Variants in PTPRT observed in about 807,000 individuals in gnomAD.
The protein encoded by PTPRT is receptor-type tyrosine-protein phosphatase T.
Under a neutral mutation model 176.8 loss-of-function variants are expected in PTPRT, and 56 were observed. The observed-to-expected ratio is 0.32, with a 90% CI of 0.26 to 0.40. PTPRT has a LOEUF of 0.40. PTPRT is among the 10% of genes least tolerant of loss of function. The pLI is 1.00. For synonymous variants in PTPRT, 783 were observed against 739.0 expected, an observed-to-expected ratio of 1.06 and a Z score of -0.96; for missense variants, 1,540 against 1,908.2, an observed-to-expected ratio of 0.81 and a Z score of 3.60.
chr20:42,458,216 T>TC (rs1403354828), intron 8 of PTPRT, among the ~76,000 whole-genome samples: 1 of 152,192 alleles, frequency 6.6e-6, no homozygotes, highest in Non-Finnish European at 1.5e-5. Flanking sequence ...AAGGTGTTTT[T>TC]CTCTATATTT....
intron 1 of PTPRT, among the ~76,000 whole-genome samples, chr20:43,151,194 T>C (rs2014340598): frequency 6.6e-6 from 1 of 151,626 alleles, no homozygotes; most frequent in African/African-American, 2.4e-5. Context: ...TAATCCCAGC[T>C]ACTAGGGAGG....
chr20:42,793,358 C>T (rs1347493614), intron 2 of PTPRT, among the ~76,000 whole-genome samples: 1 of 152,218 alleles, frequency 6.6e-6, no homozygotes, highest in Admixed American at 6.5e-5. Flanking sequence ...TCCAAGCCTC[C>T]AGTGAATATC....
chr20:42,872,074 G>T (rs948513878), intron 2 of PTPRT, among the ~76,000 whole-genome samples: 1 of 152,184 alleles, frequency 6.6e-6, no homozygotes, highest in African/African-American at 2.4e-5. Flanking sequence ...TGCAATTTGG[G>T]TTTCTTAATA....
chr20:42,170,411 A>G (rs1384002066), intron 16 of PTPRT, among the ~76,000 whole-genome samples: 2 of 152,224 alleles, frequency 1.3e-5, no homozygotes, highest in Non-Finnish European at 2.9e-5. Context: ...TAGAAGAATA[A>G]AGGAAATTAA....
intron 1 of PTPRT, among the ~76,000 whole-genome samples, chr20:43,106,265 C>A (rs2425600): frequency 6.6e-6 from 1 of 151,914 alleles, no homozygotes; most frequent in Non-Finnish European, 1.5e-5. Context: ...TTCCCAGGAG[C>A]CCTGTAGCCC....
chr20:42,491,092 AC>A (rs1377853732), intron 7 of PTPRT, among the ~76,000 whole-genome samples: 2 of 152,168 alleles, frequency 1.3e-5, no homozygotes, highest in African/African-American at 4.8e-5. Flanking sequence ...TTGAAAAAAA[AC>A]TTGCTCCTGG....
intron 2 of PTPRT, among the ~76,000 whole-genome samples, chr20:42,864,370 G>A (rs116171156): frequency 1.2e-3 from 177 of 152,264 alleles, no homozygotes; most frequent in African/African-American, 4.1e-3. Context: ...AGGGATGGCA[G>A]GCCTAACAAG....
At chr20:43,066,644 C>A (rs2011114442) in intron 1 of PTPRT, among the ~76,000 whole-genome samples, 1 of 152,230 alleles carries the variant, frequency 6.6e-6, no homozygotes, top group South Asian at 2.1e-4. Flanking sequence ...ACCTACCTCA[C>A]CTTAGGTCAC....
intron 1 of PTPRT, among the ~76,000 whole-genome samples, chr20:42,948,073 A>G: frequency 6.6e-6 from 1 of 152,056 alleles, no homozygotes; most frequent in East Asian, 1.9e-4. Context: ...CCCTCTTCGT[A>G]TCCTTCCCTT....
In PTPRT at chr20:42,799,230, C is replaced by T. The variant is rs58436301; in HGVS notation, c.215-7764G>A. 6.4e-3 allele frequency among the ~76,000 whole-genome samples: 980 copies of T among 151,980 alleles called. 5 individuals carry two copies. The highest frequency in any genetic ancestry group is 0.011 in the Non-Finnish European group (765 of 67,938). On this transcript the variant is annotated intron_variant, in intron 2 of 30. Coordinates refer to ENST00000373187, the MANE Select transcript of PTPRT (RefSeq NM_007050.6). ...CAGAAGGAGAAGCAGGAGACATGAACTGCAGGCGAGGGAAGGGGTACTGAG... is the reference window on the plus strand; with the variant it reads ...CAGAAGGAGAAGCAGGAGACATGAATTGCAGGCGAGGGAAGGGGTACTGAG...
intron 13 of PTPRT, among the ~76,000 whole-genome samples, chr20:42,264,278 ACC>A (rs1053365952): frequency 2.0e-5 from 3 of 152,056 alleles, no homozygotes; most frequent in African/African-American, 7.2e-5. Context: ...GGATGTGACA[ACC>A]CTCTTCTGCA....
the PTPRT span, among the ~76,000 whole-genome samples, chr20:42,039,692 G>GTATATATATATATATATATA: frequency 6.1e-3 from 689 of 113,206 alleles, 47 homozygotes; most frequent in African/African-American, 8.3e-3. Context: ...ATTCTGTTGT[G>GTATATATATATATATATATA]TATATATATA....
chr20:42,052,454 C>T, the PTPRT span, among the ~76,000 whole-genome samples: 1 of 152,188 alleles, frequency 6.6e-6, no homozygotes, highest in East Asian at 1.9e-4. Context: ...TGTTTTGAAG[C>T]ATTTGGAGCT....
intron 1 of PTPRT, among the ~76,000 whole-genome samples, chr20:42,925,601 C>T (rs886725950): frequency 6.6e-6 from 1 of 152,164 alleles, no homozygotes; most frequent in African/African-American, 2.4e-5. Flanking sequence ...CCAGTAATGT[C>T]CCATATTTCG....
In PTPRT at chr20:43,082,727, G is replaced by GT. The variant is rs1172526217; in HGVS notation, c.88+106918dup. On this transcript the variant is annotated intron_variant, in intron 1 of 30. Transcript: ENST00000373187. Reference sequence around the variant, plus strand: ...TGTGCCATGAAACTAATGCTTATGGGTTTTTTTGAATAAACATAGAAATTG... The same window carrying GT: ...TGTGCCATGAAACTAATGCTTATGGGTTTTTTTTGAATAAACATAGAAATTG... 2.0e-5 allele frequency among the ~76,000 whole-genome samples: 3 copies of GT among 152,050 alleles called. No individual in the cohort carries two copies. The East Asian group carries it at 5.8e-4, about 29-fold the overall frequency.
intron 13 of PTPRT, among the ~76,000 whole-genome samples, chr20:42,263,116 T>A (rs1452846657): frequency 1.3e-5 from 2 of 152,100 alleles, no homozygotes; most frequent in Non-Finnish European, 2.9e-5. Flanking sequence ...AAAAAAGGGA[T>A]AGGCACTAGG....
intron 2 of PTPRT, among the ~76,000 whole-genome samples, chr20:42,813,678 A>G (rs1481086190): frequency 6.6e-6 from 1 of 152,104 alleles, no homozygotes; most frequent in Non-Finnish European, 1.5e-5. Context: ...AAGATTGAGT[A>G]TTCTTTATTC....
intron 7 of PTPRT, among the ~76,000 whole-genome samples, chr20:42,579,558 T>C (rs2073333019): frequency 6.6e-6 from 1 of 152,284 alleles, no homozygotes; most frequent in East Asian, 1.9e-4. Flanking sequence ...CTCCACATCC[T>C]CTCCAGCACC....
chr20:42,058,482 C>G, the PTPRT span, among the ~76,000 whole-genome samples: 2 of 152,198 alleles, frequency 1.3e-5, no homozygotes. Context: ...CAGCCACTCT[C>G]ATATTCTCCA....
Sources: gnomAD v4.1 joint callset for allele counts (sites outside exome capture counted in the v4.1 genomes callset) on GRCh38, gnomAD v4.1.1 for gene constraint, MANE v1.5 for transcripts, NCBI Gene and HGNC (gene_info 2026-07-23, HGNC 2026-07-21) for gene names.